GABRA5: variants seen among roughly 807,000 people sequenced by gnomAD.
The protein encoded by GABRA5 is gamma-aminobutyric acid type A receptor subunit alpha5.
A neutral mutation model predicts 47.3 loss-of-function variants in GABRA5; 18 were observed. The observed-to-expected ratio is 0.38, with a 90% CI of 0.26 to 0.56. The LOEUF (loss-of-function observed/expected upper bound fraction) is 0.56. Ranked by LOEUF, GABRA5 falls within the 20% of genes least tolerant of loss-of-function variation. The pLI is 0.71. For synonymous variants in GABRA5, 237 were observed against 229.3 expected, an observed-to-expected ratio of 1.03 and a Z score of -0.30; for missense variants, 365 against 599.3, an observed-to-expected ratio of 0.61 and a Z score of 4.08.
chr15:26,923,768 ACTTT>A (rs1362254819), intron 7 of GABRA5, among the ~76,000 whole-genome samples: 2 of 151,784 alleles, frequency 1.3e-5, no homozygotes, highest in South Asian at 2.1e-4. Context: ...ATTTTCATCT[ACTTT>A]CTTTCTGTTT....
chr15:26,873,320 T>A lies in GABRA5; in HGVS notation c.86+3986T>A, dbSNP rs566111972. Among the ~76,000 whole-genome samples the A allele has an allele frequency of 2.0e-5, 3 of 152,340 alleles. No individual in the cohort carries two copies. In the South Asian group the frequency reaches 6.2e-4, roughly 32 times the overall value. On this transcript the variant is annotated intron_variant, in intron 3 of 10. Transcript: ENST00000335625. ...AATTGTGAGATAAAATTGAGGATTATCAGCTTAATAATAAGGTAAAGGCTG... is the reference window on the plus strand; with the variant it reads ...AATTGTGAGATAAAATTGAGGATTAACAGCTTAATAATAAGGTAAAGGCTG...
chr15:26,881,712 T>A (rs564205195), intron 4 of GABRA5, among the ~76,000 whole-genome samples: 12 of 152,292 alleles, frequency 7.9e-5, no homozygotes, highest in African/African-American at 1.4e-4. Context: ...ATTTTTTTTT[T>A]ATTTGAGATG....
chr15:26,901,378 A>G (rs1355584489), intron 6 of GABRA5, among the ~76,000 whole-genome samples: 1 of 152,142 alleles, frequency 6.6e-6, no homozygotes, highest in East Asian at 1.9e-4. Context: ...TGATATCTCA[A>G]TGTTGCTTTA....
intron 6 of GABRA5, among the ~76,000 whole-genome samples, chr15:26,900,654 C>G (rs1893305869): frequency 6.6e-6 from 1 of 152,030 alleles, no homozygotes; most frequent in Non-Finnish European, 1.5e-5. Flanking sequence ...TTACACATCC[C>G]CAACCAGAGT....
chr15:26,877,634 G>A (rs1006809981), intron 3 of GABRA5: 3 of 455,268 alleles, frequency 6.6e-6, no homozygotes, highest in African/African-American at 2.0e-5. Context: ...ACCCGTGGTG[G>A]AATGACAATA....
intron 10 of GABRA5, among the ~76,000 whole-genome samples, chr15:26,944,530 G>A (rs1894465584): frequency 1.3e-5 from 2 of 152,224 alleles, no homozygotes; most frequent in Admixed American, 1.3e-4. Flanking sequence ...TCGGGCATGG[G>A]TATGCTTTGA....
At chr15:26,875,729 G>A (rs1892581748) in intron 3 of GABRA5, among the ~76,000 whole-genome samples, 1 of 152,002 alleles carries the variant, frequency 6.6e-6, no homozygotes, top group African/African-American at 2.4e-5. Flanking sequence ...GAAGGGCTGG[G>A]GTTGGGATCA....
intron 6 of GABRA5, among the ~76,000 whole-genome samples, chr15:26,894,975 G>T (rs139620902): frequency 6.9e-6 from 1 of 145,638 alleles, no homozygotes; most frequent in Admixed American, 6.8e-5. Context: ...CTCCTTGGGC[G>T]CCCCCTCTTA....
chr15:26,895,533 C>G (rs896533401), intron 6 of GABRA5, among the ~76,000 whole-genome samples: 5 of 152,012 alleles, frequency 3.3e-5, no homozygotes, highest in African/African-American at 1.2e-4. Flanking sequence ...ATAAATGAGG[C>G]TGGGCGCGGT....
chr15:26,880,811 G>A (rs1335211930), intron 3 of GABRA5, 35 bp from the exon 4 acceptor site: 1 of 1,609,958 alleles, frequency 6.2e-7, no homozygotes, highest in Admixed American at 1.7e-5. Flanking sequence ...GAAATAATAT[G>A]TTTTAACGCT....
intron 8 of GABRA5, among the ~76,000 whole-genome samples, chr15:26,938,210 T>C (rs1894293743): frequency 6.6e-6 from 1 of 152,172 alleles, no homozygotes; most frequent in African/African-American, 2.4e-5. Flanking sequence ...TGTTGACCCA[T>C]GGGCCTGCGC....
chr15:26,874,891 G>A (rs1006965718), intron 3 of GABRA5, among the ~76,000 whole-genome samples: 7 of 152,220 alleles, frequency 4.6e-5, no homozygotes, highest in South Asian at 2.1e-4. Context: ...TTTCAGGACC[G>A]CTGGTGAATA....
intron 3 of GABRA5, among the ~76,000 whole-genome samples, chr15:26,876,665 G>T (rs978610259): frequency 6.6e-6 from 1 of 152,158 alleles, no homozygotes; most frequent in African/African-American, 2.4e-5. Flanking sequence ...GGGAGGCAGC[G>T]GGGGTTGCTC....
chr15:26,906,093 C>G (rs1253677388), intron 6 of GABRA5, among the ~76,000 whole-genome samples: 3 of 151,074 alleles, frequency 2.0e-5, no homozygotes, highest in Non-Finnish European at 4.4e-5. Flanking sequence ...ATGTGGTGAC[C>G]CTGGATGTTA....
chr15:26,883,749 A>G lies in GABRA5; in HGVS notation c.497+192A>G, dbSNP rs962132899. Among the ~76,000 whole-genome samples, 7 of 152,216 alleles carry G rather than the reference A, an allele frequency of 4.6e-5. No individual in the cohort carries two copies. Among genetic ancestry groups the G allele is most frequent in the Admixed American group, 6.5e-5 (1 of 15,282 alleles). ...TTGGACGTTCTTTCCCAGGGCTGCC[A>G]TAGGTCCGTGGCCGTTTGTCATTTG... On this transcript the variant is annotated intron_variant, in intron 6 of 10. Coordinates refer to ENST00000335625, the MANE Select transcript of GABRA5 (RefSeq NM_000810.4). The surrounding 1 kb of genome is among the most constrained non-coding windows in gnomAD (Gnocchi z 4.8).
In GABRA5 at chr15:26,875,551, T is replaced by G. The variant is rs142899972; in HGVS notation, c.87-5295T>G. On this transcript the variant is annotated intron_variant, in intron 3 of 10. Transcript: ENST00000335625. Reference sequence around the variant, plus strand: ...GGAAAGAGATGCTTGAGCAGAGATCTGAGGGAGGTGAGGATGTGAGCAAAG... The same window carrying G: ...GGAAAGAGATGCTTGAGCAGAGATCGGAGGGAGGTGAGGATGTGAGCAAAG... Among the ~76,000 whole-genome samples the G allele has an allele frequency of 2.0e-4, 30 of 152,202 alleles. No individual in the cohort carries two copies. The East Asian group carries it at 4.1e-3, about 21-fold the overall frequency.
Position 26,896,694 on chromosome 15 carries a change from G to A in GABRA5, c.497+13137G>A, listed in dbSNP as rs1002413282. Among the ~76,000 whole-genome samples, 5 of 152,104 alleles carry A rather than the reference G, an allele frequency of 3.3e-5. No individual in the cohort carries two copies. The South Asian group carries it at 1.0e-3, about 32-fold the overall frequency. ...AAGTGCTAGTGTGATTATACACACTGGCCTAAAGATGTTGAGGGAGTATAT... is the reference window on the plus strand; with the variant it reads ...AAGTGCTAGTGTGATTATACACACTAGCCTAAAGATGTTGAGGGAGTATAT... On this transcript the variant is annotated intron_variant, in intron 6 of 10. Transcript: ENST00000335625.
At chr15:26,915,710 G>C (rs1165794446) in intron 7 of GABRA5, among the ~76,000 whole-genome samples, 1 of 152,012 alleles carries the variant, frequency 6.6e-6, no homozygotes, top group Admixed American at 6.6e-5. Flanking sequence ...CTCTTCACTT[G>C]TGCACATGCT....
intron 6 of GABRA5, among the ~76,000 whole-genome samples, chr15:26,910,599 A>C (rs1156321033): frequency 5.2e-4 from 2 of 3,834 alleles, no homozygotes; most frequent in African/African-American, 2.0e-3. Context: ...GACTCCATCA[A>C]AAAAAAAAAA....
Sources: gnomAD v4.1 joint callset for allele counts (sites outside exome capture counted in the v4.1 genomes callset) on GRCh38, gnomAD v4.1.1 for gene constraint, Gnocchi (gnomAD v3.1) non-coding constraint, MANE v1.5 for transcripts, NCBI Gene and HGNC (gene_info 2026-07-23, HGNC 2026-07-21) for gene names.